SLC4A10: variants seen among roughly 807,000 people sequenced by gnomAD.
The protein encoded by SLC4A10 is solute carrier family 4 member 10.
Under a neutral mutation model 137.7 loss-of-function variants are expected in SLC4A10, and 42 were observed. The observed-to-expected ratio is 0.30, with a 90% confidence interval of 0.24 to 0.39. The LOEUF is 0.39. Among genes scored for constraint, SLC4A10 ranks in the 10% least tolerant of loss-of-function variants. The probability of loss-of-function intolerance (pLI) is 1.00; values close to 1 mark genes in which losing one functional copy is unlikely to be tolerated. For synonymous variants in SLC4A10, 474 were observed against 464.1 expected, an observed-to-expected ratio of 1.02 and a Z score of -0.27; for missense variants, 925 against 1,355.0, an observed-to-expected ratio of 0.68 and a Z score of 4.98.
rs542643966 is a variant in SLC4A10 at position 161,970,812 on chromosome 2, A to G, written c.3160-3437A>G. Among the ~76,000 whole-genome samples the G allele has an allele frequency of 2.6e-5, 4 of 152,338 alleles. No individual in the cohort carries two copies. The South Asian group carries it at 8.3e-4, about 32-fold the overall frequency. ...CTATCACTAAATACAATTCAAACTC[A>G]TGATGTAATTCGATATATAACACCC... On this transcript the variant is annotated intron_variant, in intron 23 of 26. Coordinates refer to ENST00000446997, the MANE Select transcript of SLC4A10 (RefSeq NM_001178015.2).
intron 10 of SLC4A10, among the ~76,000 whole-genome samples, chr2:161,886,709 A>G (rs946363589): frequency 1.3e-4 from 19 of 151,964 alleles, no homozygotes; most frequent in African/African-American, 3.1e-4. Flanking sequence ...TACAATTTCT[A>G]ATGTTATTTA....
intron 1 of SLC4A10, among the ~76,000 whole-genome samples, chr2:161,692,773 T>C (rs572523170): frequency 2.0e-5 from 3 of 152,204 alleles, no homozygotes; most frequent in African/African-American, 4.8e-5. Context: ...TTTTACCTTA[T>C]ATAATCAGAT....
chr2:161,874,556 G>T (rs186135079), intron 8 of SLC4A10, among the ~76,000 whole-genome samples: 2 of 152,142 alleles, frequency 1.3e-5, no homozygotes, highest in East Asian at 1.9e-4. Flanking sequence ...GTCAAACTTC[G>T]ATTTCCTTTC....
chr2:161,631,368 G>A (rs1359379851), intron 1 of SLC4A10, among the ~76,000 whole-genome samples: 3 of 151,574 alleles, frequency 2.0e-5, no homozygotes, highest in East Asian at 1.9e-4. Flanking sequence ...GGAGAAGGCC[G>A]AGTATCCAAA....
intron 2 of SLC4A10, among the ~76,000 whole-genome samples, chr2:161,776,401 TTC>T (rs2052337764): frequency 6.6e-6 from 1 of 151,952 alleles, no homozygotes; most frequent in African/African-American, 2.4e-5. Flanking sequence ...CCATTCTACC[TTC>T]TGTTTCTGTG....
chr2:161,974,385 C>A, intron 24 of SLC4A10, 69 bp downstream of exon 24: 1 of 1,282,712 alleles, frequency 7.8e-7, no homozygotes, highest in Non-Finnish European at 1.1e-6. Context: ...TTAAGAATTT[C>A]ATACTGTGTA....
intron 1 of SLC4A10, among the ~76,000 whole-genome samples, chr2:161,672,337 T>A (rs1166785413): frequency 6.6e-6 from 1 of 152,106 alleles, no homozygotes; most frequent in Non-Finnish European, 1.5e-5. Flanking sequence ...ACTTTCAAAA[T>A]TTAATGTTTA....
chr2:161,645,279 A>G (rs2035881412), intron 1 of SLC4A10, among the ~76,000 whole-genome samples: 1 of 151,754 alleles, frequency 6.6e-6, no homozygotes, highest in Non-Finnish European at 1.5e-5. Context: ...ATGGGCTTCT[A>G]TGGAAATCTT....
chr2:161,642,977 A>G (rs745311098), intron 1 of SLC4A10, among the ~76,000 whole-genome samples: 1 of 151,952 alleles, frequency 6.6e-6, no homozygotes, highest in South Asian at 2.1e-4. Flanking sequence ...AGCTATTGAA[A>G]TCTTCTAATG....
intron 1 of SLC4A10, among the ~76,000 whole-genome samples, chr2:161,689,344 A>G (rs1396576529): frequency 6.6e-6 from 1 of 152,184 alleles, no homozygotes; most frequent in Non-Finnish European, 1.5e-5. Flanking sequence ...CAAGTGCTCT[A>G]TATGGGTGTA....
chr2:161,867,548 A>G (rs1039169119), intron 6 of SLC4A10, among the ~76,000 whole-genome samples: 17 of 152,058 alleles, frequency 1.1e-4, no homozygotes, highest in Non-Finnish European at 2.2e-4. Context: ...GGGCCTGCCC[A>G]GAGGCTATAT....
At chr2:161,678,198 T>C (rs1453382310) in intron 1 of SLC4A10, among the ~76,000 whole-genome samples, 2 of 152,174 alleles carry the variant, frequency 1.3e-5, no homozygotes, top group South Asian at 2.1e-4. Flanking sequence ...GCTTAGATAA[T>C]GAATCTGGGA....
At chr2:161,744,808 T>C (rs1428238680) in intron 1 of SLC4A10, among the ~76,000 whole-genome samples, 2 of 151,390 alleles carry the variant, frequency 1.3e-5, no homozygotes, top group East Asian at 1.9e-4. Context: ...ATCTATGTCT[T>C]AAAAAGATAT....
At chr2:161,872,895 G>C (rs1297084332) in intron 7 of SLC4A10, among the ~76,000 whole-genome samples, 1 of 152,008 alleles carries the variant, frequency 6.6e-6, no homozygotes, top group African/African-American at 2.4e-5. Flanking sequence ...TGTATTTTTA[G>C]TAGAGACGGG....
intron 3 of SLC4A10, among the ~76,000 whole-genome samples, chr2:161,813,942 G>T (rs927120993): frequency 6.6e-6 from 1 of 152,036 alleles, no homozygotes; most frequent in East Asian, 1.9e-4. Context: ...TTTTTGAAAA[G>T]TACCCCCAGG....
At position 161,976,850 on chromosome 2, in the gene SLC4A10, TAAG is replaced by T; in HGVS notation, c.3319_3321del (p.Lys1107del). 1 of 1,597,312 alleles carries T rather than the reference TAAG, an allele frequency of 6.3e-7. No homozygotes were observed. The highest frequency in any genetic ancestry group is 8.5e-7 in the Non-Finnish European group (1 of 1,171,488). On this transcript the variant is annotated inframe_deletion, in exon 25 of 27. Transcript: ENST00000446997. ...TGATTACTGCCGATAACTCAAAAGA[TAAG>T]GAGTCAAGCTTTCCTTCCAAAAGGT...
chr2:161,951,388 A>AG (rs1179516402), intron 19 of SLC4A10, among the ~76,000 whole-genome samples: 2 of 152,220 alleles, frequency 1.3e-5, no homozygotes, highest in Non-Finnish European at 2.9e-5. Flanking sequence ...TTTTATAAAA[A>AG]GAATAACTAT....
chr2:161,642,108 C>T (rs1435906294), intron 1 of SLC4A10, among the ~76,000 whole-genome samples: 1 of 151,882 alleles, frequency 6.6e-6, no homozygotes, highest in East Asian at 1.9e-4. Context: ...ACACATTTGC[C>T]CCATCTATTC....
At chr2:161,641,680 C>T (rs1356658778) in intron 1 of SLC4A10, among the ~76,000 whole-genome samples, 4 of 152,018 alleles carry the variant, frequency 2.6e-5, no homozygotes, top group African/African-American at 9.7e-5. Context: ...TTTCTGACAT[C>T]AGTCCTCTTA....
Sources: gnomAD v4.1 joint callset for allele counts (sites outside exome capture counted in the v4.1 genomes callset) on GRCh38, gnomAD v4.1.1 for gene constraint, MANE v1.5 for transcripts, NCBI Gene and HGNC (gene_info 2026-07-23, HGNC 2026-07-21) for gene names.